The following ZC3H12C variants were observed in gnomAD, a reference collection of about 807,000 sequenced individuals.
ZC3H12C encodes the protein zinc finger CCCH-type containing 12C, also known as probable ribonuclease ZC3H12C.
ZC3H12C carries 20 observed loss-of-function variants against 76.3 expected under a neutral mutation model. That is an observed-to-expected ratio of 0.26 (90% CI 0.18 to 0.38). ZC3H12C has a LOEUF of 0.38. ZC3H12C is among the 10% of genes least tolerant of loss of function. The pLI, the probability that ZC3H12C is intolerant of heterozygous loss-of-function variation, is 1.00. For missense variants in ZC3H12C, 874 were observed against 1,086.5 expected, an observed-to-expected ratio of 0.80 and a Z score of 2.75; for synonymous variants, 352 against 399.6, an observed-to-expected ratio of 0.88 and a Z score of 1.42.
At position 110,164,669 on chromosome 11, in the gene ZC3H12C, T is replaced by C; in HGVS notation, c.1584T>C (p.Ser528=). The change falls in exon 6 of 6, where the codon TCT becomes TCC. Residue 528 remains serine, a synonymous_variant. Transcript: ENST00000278590. The surrounding 1 kb of genome is among the most constrained non-coding windows in gnomAD (Gnocchi z 5.7). The part of the protein sequence containing the change: ...VPSLVSIPAT[S]TAKPQSTTSL... ...CCTTAGTTAGCATCCCAGCTACTTC[T>C]ACTGCAAAACCCCAAAGCACTACAT... is the stretch of plus-strand genomic sequence containing the variant. The C allele has an allele frequency of 2.5e-6, 4 of 1,614,056 alleles. No homozygotes were observed. The highest frequency in any genetic ancestry group is 1.7e-6 in the Non-Finnish European group (2 of 1,179,884).
At chr11:110,137,653 A>G (rs1017613250) in intron 2 of ZC3H12C, among the ~76,000 whole-genome samples, 1 of 152,052 alleles carries the variant, frequency 6.6e-6, no homozygotes, top group African/African-American at 2.4e-5. Flanking sequence ...TTTTGTCCTC[A>G]TCTGGCTAAA....
At position 110,171,388 on chromosome 11, in the gene ZC3H12C, G is replaced by A. The variant is rs1862676170; in HGVS notation, c.*5651G>A. ...CCCAAACCAGAGTCATATGCTGCTA[G>A]TAGAATTTTTTATTTGATCCTGCGA... On this transcript the variant is annotated 3_prime_UTR_variant, in exon 6 of 6. Coordinates refer to ENST00000278590, the MANE Select transcript of ZC3H12C (RefSeq NM_033390.2). The A allele has an allele frequency of 1.3e-5, 2 of 152,166 alleles. No individual in the cohort carries two copies. The highest frequency in any genetic ancestry group is 4.8e-5 in the African/African-American group (2 of 41,426). 9.4% of individuals were successfully genotyped at this position (152,166 alleles called of 1,614,324 possible). A position where few individuals can be genotyped will look rare whatever the true frequency, so the allele number is the denominator to read the frequency against.
chr11:110,145,288 C>A (rs974942509), intron 2 of ZC3H12C, among the ~76,000 whole-genome samples: 1 of 152,040 alleles, frequency 6.6e-6, no homozygotes, highest in African/African-American at 2.4e-5. Flanking sequence ...GTATATTAGT[C>A]TTGAGTAAAG....
Position 110,164,540 on chromosome 11 carries a change from T to C in ZC3H12C, c.1455T>C (p.Gly485=). 6.2e-7 allele frequency: 1 copy of C among 1,613,884 alleles called. No homozygotes were observed. Among genetic ancestry groups the C allele is most frequent in the Non-Finnish European group, 8.5e-7 (1 of 1,179,884 alleles). The part of the protein sequence containing the change: ...KADSTSDVKR[G]APKRQSDPSI... ...ATAGCACTTCTGATGTCAAACGAGGTGCTCCAAAGAGGCAATCAGATCCAA... is the reference window on the plus strand; with the variant it reads ...ATAGCACTTCTGATGTCAAACGAGGCGCTCCAAAGAGGCAATCAGATCCAA... The change falls in exon 6 of 6, where the codon GGT becomes GGC. Residue 485 remains glycine, a synonymous_variant. Transcript: ENST00000278590. The surrounding 1 kb of genome is among the most constrained non-coding windows in gnomAD (Gnocchi z 5.7).
intron 2 of ZC3H12C, among the ~76,000 whole-genome samples, chr11:110,141,755 A>T (rs1338808502): frequency 1.3e-5 from 2 of 152,240 alleles, no homozygotes; most frequent in East Asian, 3.8e-4. Context: ...TAAACTACAT[A>T]TCACATTTCG....
intron 1 of ZC3H12C, among the ~76,000 whole-genome samples, chr11:110,111,749 C>A (rs1436608627): frequency 6.7e-6 from 1 of 148,454 alleles, no homozygotes; most frequent in South Asian, 2.1e-4. Flanking sequence ...TTCTGTGTTG[C>A]CCAGGCTGGT....
At chr11:110,163,481 A>G in intron 5 of ZC3H12C, 102 bp downstream of exon 5, 1 of 854,482 alleles carries the variant, frequency 1.2e-6, no homozygotes, top group Non-Finnish European at 1.7e-6. Context: ...ATGGCATAAT[A>G]TGCAGTTCTT....
intron 2 of ZC3H12C, among the ~76,000 whole-genome samples, chr11:110,147,986 G>A (rs143540767): frequency 2.8e-3 from 432 of 152,268 alleles, no homozygotes; most frequent in Middle Eastern, 6.8e-3. Flanking sequence ...CATCCAGAAG[G>A]TCATTGCCCC....
intron 1 of ZC3H12C, among the ~76,000 whole-genome samples, chr11:110,108,111 C>CT (rs551917837): frequency 2.6e-5 from 4 of 152,018 alleles, no homozygotes; most frequent in African/African-American, 4.8e-5. Flanking sequence ...ACACACCTGG[C>CT]TTTTTTTTGT....
chr11:110,103,121 G>A (rs1352464423), intron 1 of ZC3H12C, among the ~76,000 whole-genome samples: 1 of 152,126 alleles, frequency 6.6e-6, no homozygotes, highest in Non-Finnish European at 1.5e-5. Flanking sequence ...TATGCCTATG[G>A]ATGAGTAAGA....
chr11:110,150,735 C>G (rs1172173900), intron 2 of ZC3H12C, among the ~76,000 whole-genome samples: 1 of 151,840 alleles, frequency 6.6e-6, no homozygotes, highest in Non-Finnish European at 1.5e-5. Context: ...ATGTTTTCTT[C>G]TTCTGTCAAT....
intron 1 of ZC3H12C, among the ~76,000 whole-genome samples, chr11:110,105,295 G>A (rs1450446855): frequency 1.3e-5 from 2 of 152,042 alleles, no homozygotes; most frequent in Non-Finnish European, 2.9e-5. Flanking sequence ...GATACTTTAT[G>A]CAATTTTGAT....
At chr11:110,128,466 T>C (rs7952417) in intron 1 of ZC3H12C, among the ~76,000 whole-genome samples, 2,560 of 152,288 alleles carry the variant, frequency 0.017, 74 homozygotes, top group African/African-American at 0.058. Flanking sequence ...TTCTTTGTGT[T>C]CACAGTGGCA....
chr11:110,095,615 G>A (rs1454586441), intron 1 of ZC3H12C, among the ~76,000 whole-genome samples: 1 of 152,160 alleles, frequency 6.6e-6, no homozygotes, highest in African/African-American at 2.4e-5. Context: ...GCTGTGTAAG[G>A]CCCCCGACCT....
intron 1 of ZC3H12C, 65 bp downstream of exon 1, chr11:110,093,497 C>T: frequency 2.6e-6 from 3 of 1,140,194 alleles, no homozygotes; most frequent in Non-Finnish European, 3.3e-6. Flanking sequence ...GGTAGCCGGT[C>T]GTGGGGAGGG....
chr11:110,093,481 T>A (rs1484504906), intron 1 of ZC3H12C, 49 bp downstream of exon 1: 1 of 1,168,822 alleles, frequency 8.6e-7, no homozygotes, highest in Non-Finnish European at 1.1e-6. Context: ...GCGAGAGTGG[T>A]CCTGGGGTAG....
chr11:110,132,234 T>A (rs1478274328), intron 1 of ZC3H12C, among the ~76,000 whole-genome samples: 1 of 152,128 alleles, frequency 6.6e-6, no homozygotes, highest in East Asian at 1.9e-4. Context: ...AAAAAAGATT[T>A]TTTTTTTTAA....
intron 3 of ZC3H12C, among the ~76,000 whole-genome samples, chr11:110,156,276 C>G (rs960512259): frequency 6.6e-6 from 1 of 152,022 alleles, no homozygotes; most frequent in Non-Finnish European, 1.5e-5. Context: ...CAAAAAAGAC[C>G]CTTGATAAGA....
chr11:110,095,670 A>G (rs556410697), intron 1 of ZC3H12C, among the ~76,000 whole-genome samples: 7 of 152,216 alleles, frequency 4.6e-5, no homozygotes, highest in Admixed American at 1.3e-4. Context: ...TGTGGAAAGT[A>G]CTAAGTTCCG....
Sources: allele counts gnomAD v4.1 joint callset (sites outside exome capture counted in the v4.1 genomes callset), GRCh38; gene constraint gnomAD v4.1.1; non-coding constraint Gnocchi (gnomAD v3.1); transcripts MANE v1.5; gene names NCBI Gene and HGNC (gene_info 2026-07-23, HGNC 2026-07-21).